RANBP2: variants seen among roughly 807,000 people sequenced by gnomAD.
RANBP2 encodes the protein RAN binding protein 2.
A neutral mutation model predicts 303.6 loss-of-function variants in RANBP2; 57 were observed. The ratio of observed to expected loss-of-function variants is 0.19; its 90% CI spans 0.15 to 0.23. RANBP2 has a LOEUF of 0.23. RANBP2 is among the 10% of genes least tolerant of loss of function. The probability of loss-of-function intolerance (pLI) is 1.00; values close to 1 mark genes in which losing one functional copy is unlikely to be tolerated. For missense variants in RANBP2, 3,138 were observed against 3,780.8 expected, an observed-to-expected ratio of 0.83 and a Z score of 4.46; for synonymous variants, 1,167 against 1,301.5, an observed-to-expected ratio of 0.90 and a Z score of 2.23.
At chr2:109,161,061 G>A in the RANBP2 span, among the ~76,000 whole-genome samples, 2 of 152,150 alleles carry the variant, frequency 1.3e-5, no homozygotes. Context: ...AGTAGGTGAG[G>A]GTGCTTGTGA....
chr2:108,789,037 A>T (rs535829261), downstream of RANBP2: 3 of 1,548,032 alleles, frequency 1.9e-6, no homozygotes, highest in Admixed American at 1.8e-5. Flanking sequence ...AGAAAAGGGC[A>T]GGTTATATTT....
chr2:109,612,492 T>A, the RANBP2 span, among the ~76,000 whole-genome samples: 2 of 152,330 alleles, frequency 1.3e-5, no homozygotes, highest in East Asian at 3.9e-4. Flanking sequence ...CTATACTGTA[T>A]TATTTCTTAC....
At chr2:109,418,863 G>T in the RANBP2 span, among the ~76,000 whole-genome samples, 2 of 152,148 alleles carry the variant, frequency 1.3e-5, no homozygotes, top group Non-Finnish European at 2.9e-5. Context: ...GCCCTGCATG[G>T]GCTGGGACTA....
chr2:108,948,695 T>C, the RANBP2 span, among the ~76,000 whole-genome samples: 1,166 of 152,172 alleles, frequency 7.7e-3, 12 homozygotes, highest in African/African-American at 0.027. Context: ...CTCAATATCA[T>C]GAGAACAACA....
At chr2:109,683,108 A>C in the RANBP2 span, among the ~76,000 whole-genome samples, 1 of 151,966 alleles carries the variant, frequency 6.6e-6, no homozygotes, top group African/African-American at 2.4e-5. Flanking sequence ...TGAGTTCAAG[A>C]AATTCTCCTG....
the RANBP2 span, among the ~76,000 whole-genome samples, chr2:109,525,924 A>C: frequency 6.6e-6 from 1 of 152,056 alleles, no homozygotes; most frequent in African/African-American, 2.4e-5. Flanking sequence ...TGCTATTGCT[A>C]ATTTTCCCAG....
chr2:108,806,032 G>T, the RANBP2 span, among the ~76,000 whole-genome samples: 1 of 152,070 alleles, frequency 6.6e-6, no homozygotes, highest in East Asian at 1.9e-4. Context: ...TTTGCCAGCT[G>T]TCCTTTTCTG....
At position 108,751,251 on chromosome 2, in the gene RANBP2, A is replaced by C; in HGVS notation, c.1274-13A>C. 6.2e-7 allele frequency: 1 copy of C among 1,611,862 alleles called. No homozygotes were observed. On this transcript the variant is annotated splice_polypyrimidine_tract_variant and intron_variant, in intron 9 of 28. Coordinates refer to ENST00000283195, the MANE Select transcript of RANBP2 (RefSeq NM_006267.5). ...TTTCAAACCCTTAAGCCAATTTTTT[A>C]ATTTTATTTCAGGTGCTATTCGAGC...
the RANBP2 span, among the ~76,000 whole-genome samples, chr2:109,635,881 A>G: frequency 6.6e-6 from 1 of 152,252 alleles, no homozygotes; most frequent in Non-Finnish European, 1.5e-5. Flanking sequence ...TATTACGGTT[A>G]TTAAGTGCTA....
the RANBP2 span, chr2:109,733,034 C>T: frequency 4.7e-5 from 27 of 570,400 alleles, 1 homozygote; most frequent in Middle Eastern, 5.7e-4. Flanking sequence ...TCCACCTCGT[C>T]GCAGACCTCC....
chr2:108,793,722 G>T, the RANBP2 span, among the ~76,000 whole-genome samples: 2 of 151,542 alleles, frequency 1.3e-5, no homozygotes, highest in East Asian at 3.9e-4. Context: ...TCAGCCTCCC[G>T]AGTAGCTGGG....
At chr2:109,130,210 C>A in the RANBP2 span, 1 of 1,147,002 alleles carries the variant, frequency 8.7e-7, no homozygotes, top group Non-Finnish European at 1.1e-6. Flanking sequence ...GAGGAGACCA[C>A]GGGTGGTCCT....
the RANBP2 span, among the ~76,000 whole-genome samples, chr2:109,439,280 C>T: frequency 1.1e-4 from 16 of 152,228 alleles, no homozygotes; most frequent in African/African-American, 3.1e-4. Flanking sequence ...GATGGTTAAA[C>T]GGCTCCCCAG....
the RANBP2 span, among the ~76,000 whole-genome samples, chr2:109,119,021 C>A: frequency 6.6e-6 from 1 of 152,200 alleles, no homozygotes; most frequent in Non-Finnish European, 1.5e-5. Context: ...ACGGACTTGC[C>A]TTTGCAGCAT....
At chr2:108,948,204 A>C in the RANBP2 span, among the ~76,000 whole-genome samples, 1 of 152,210 alleles carries the variant, frequency 6.6e-6, no homozygotes, top group Admixed American at 6.5e-5. Context: ...TTCAGTTCCC[A>C]ATAAGTCCCT....
chr2:109,615,476 G>A, the RANBP2 span: 13 of 1,613,512 alleles, frequency 8.1e-6, no homozygotes, highest in African/African-American at 1.5e-4. Flanking sequence ...ACAAACACCA[G>A]CTGCCGGTGA....
chr2:109,625,781 G>C, the RANBP2 span, among the ~76,000 whole-genome samples: 6 of 152,192 alleles, frequency 3.9e-5, no homozygotes, highest in Non-Finnish European at 7.3e-5. Context: ...CTGAAATGTA[G>C]AGTAGGATAC....
the RANBP2 span, among the ~76,000 whole-genome samples, chr2:108,939,038 A>G: frequency 1.3e-5 from 2 of 151,906 alleles, no homozygotes; most frequent in African/African-American, 4.8e-5. Flanking sequence ...TCAGCCTCCC[A>G]AAGTGCTGGG....
At chr2:109,574,686 A>G in the RANBP2 span, 1 of 1,610,302 alleles carries the variant, frequency 6.2e-7, no homozygotes, top group Admixed American at 1.7e-5. Context: ...CATGGTAGGT[A>G]AAGAGAGAAC....
Sources: allele counts gnomAD v4.1 joint callset (sites outside exome capture counted in the v4.1 genomes callset), GRCh38; gene constraint gnomAD v4.1.1; transcripts MANE v1.5; gene names NCBI Gene and HGNC (gene_info 2026-07-23, HGNC 2026-07-21).